SLC25A33: variants seen among roughly 807,000 people sequenced by gnomAD.
SLC25A33 encodes solute carrier family 25 member 33, also known as bone marrow stromal cell mitochondrial carrier protein.
In SLC25A33, 15 loss-of-function variants were observed where a neutral mutation model predicts 35.5. That is an observed-to-expected ratio of 0.42 (90% CI 0.28 to 0.65). SLC25A33 has a LOEUF of 0.65. SLC25A33 is among the 30% of genes least tolerant of loss of function. SLC25A33 has a pLI of 0.20. For synonymous variants in SLC25A33, 136 were observed against 148.7 expected (o/e 0.91, Z 0.62); for missense variants, 257 against 398.5 (o/e 0.64, Z 3.02).
chr1:9,547,743 G>T (rs913076522), intron 1 of SLC25A33, among the ~76,000 whole-genome samples: 1 of 151,406 alleles, frequency 6.6e-6, no homozygotes, highest in African/African-American at 2.4e-5. Flanking sequence ...TTTTATTACT[G>T]GGGTGGGGAC....
At position 9,582,150 on chromosome 1, in the gene SLC25A33, G is replaced by A. The variant is rs1039058078; in HGVS notation, c.764-149G>A. On this transcript the variant is annotated intron_variant, in intron 6 of 6. Transcript: ENST00000302692. The surrounding 1 kb of genome is among the most constrained non-coding windows in gnomAD (Gnocchi z 4.0). ...GCTGGTCTCCAACTCCTGGCCTCAAGTGATCCACCCGCCTCGGCCTCCCAA... is the reference window on the plus strand; with the variant it reads ...GCTGGTCTCCAACTCCTGGCCTCAAATGATCCACCCGCCTCGGCCTCCCAA... The A allele has an allele frequency of 1.1e-5, 8 of 756,804 alleles. No homozygotes were observed. The highest frequency in any genetic ancestry group is 3.5e-5 in the African/African-American group (2 of 56,848). The allele number at this position is 756,804 out of a possible 1,614,324, so 46.9% of individuals were successfully genotyped here. A position where few individuals can be genotyped will look rare whatever the true frequency, so the allele number is the denominator to read the frequency against.
chr1:9,580,727 A>G (rs956817709), intron 6 of SLC25A33, among the ~76,000 whole-genome samples: 1 of 151,820 alleles, frequency 6.6e-6, no homozygotes, highest in Non-Finnish European at 1.5e-5. Flanking sequence ...GTGGTGGCGC[A>G]CGCCTGTAGT....
At chr1:9,565,567 CA>C (rs373409790) in intron 2 of SLC25A33, among the ~76,000 whole-genome samples, 29 of 141,482 alleles carry the variant, frequency 2.0e-4, no homozygotes, top group Non-Finnish European at 3.7e-4. Context: ...TATGTCATCA[CA>C]AAAAAAAAAG....
chr1:9,568,217 G>A (rs1342995843), intron 3 of SLC25A33, among the ~76,000 whole-genome samples: 2 of 152,122 alleles, frequency 1.3e-5, no homozygotes, highest in Admixed American at 1.3e-4. Flanking sequence ...TGAGGCAGGT[G>A]GATCACCAGA....
In SLC25A33 at chr1:9,583,270, A is replaced by C. The variant is rs2100418926; in HGVS notation, c.*769A>C. 6.6e-6 allele frequency: 1 copy of C among 152,188 alleles called. No homozygotes were observed. The highest frequency in any genetic ancestry group is 2.1e-4 in the South Asian group (1 of 4,814). The allele number at this position is 152,188 out of a possible 1,614,324, so 9.4% of individuals were successfully genotyped here. A position where few individuals can be genotyped will look rare whatever the true frequency, so the allele number is the denominator to read the frequency against. ...GGTGGTGGTGTGTGGACCAGGACAA[A>C]CTTCCCAGCAATTTTTCTTCTTTGT... On this transcript the variant is annotated 3_prime_UTR_variant, in exon 7 of 7. Coordinates refer to ENST00000302692, the MANE Select transcript of SLC25A33 (RefSeq NM_032315.3).
chr1:9,541,667 G>A (rs1276842610), intron 1 of SLC25A33, among the ~76,000 whole-genome samples: 4 of 149,432 alleles, frequency 2.7e-5, no homozygotes, highest in Admixed American at 2.0e-4. Context: ...TCTTTCTTGG[G>A]AATTTTAAAC....
Position 9,583,788 on chromosome 1 carries a change from C to G in SLC25A33, c.*1287C>G, listed in dbSNP as rs11121446. ...CGGGCAGATCACGAGGTCAGGAGAT[C>G]GAGACCATCCTGGCTAACACGGTGA... On this transcript the variant is annotated 3_prime_UTR_variant, in exon 7 of 7. Coordinates refer to ENST00000302692, the MANE Select transcript of SLC25A33 (RefSeq NM_032315.3). 1 of 151,992 alleles carries G rather than the reference C, an allele frequency of 6.6e-6. No individual in the cohort carries two copies. The highest frequency in any genetic ancestry group is 2.4e-5 in the African/African-American group (1 of 41,452). The allele number at this position is 151,992 out of a possible 1,614,324, so 9.4% of individuals were successfully genotyped here.
chr1:9,581,122 C>G (rs1161226037), intron 6 of SLC25A33, among the ~76,000 whole-genome samples: 1 of 152,122 alleles, frequency 6.6e-6, no homozygotes, highest in African/African-American at 2.4e-5. Context: ...TCCTGGAGCA[C>G]TAAGCTGACC....
chr1:9,553,422 A>T (rs1300722494), intron 1 of SLC25A33, among the ~76,000 whole-genome samples: 2 of 150,798 alleles, frequency 1.3e-5, no homozygotes, highest in African/African-American at 4.9e-5. Flanking sequence ...TTTAGTAGAG[A>T]CAGGGTTTCA....
chr1:9,540,161 C>G (rs1643056786), intron 1 of SLC25A33, among the ~76,000 whole-genome samples: 1 of 152,200 alleles, frequency 6.6e-6, no homozygotes, highest in South Asian at 2.1e-4. Flanking sequence ...ATCGCTGATG[C>G]TCGGGTGTGC....
chr1:9,582,490 C>T lies in SLC25A33; in HGVS notation c.955C>T (p.Arg319Cys), dbSNP rs149047690. ...GTTAATTGTGTACCTGTTAGAAGAC[C>T]GTACTCAGTAACAGGCCGGAAAATT... Reference protein sequence around the residue: ...YELIVYLLEDRTQ With the variant: ...YELIVYLLEDCTQ Residue 319 changes from arginine to cysteine, a missense_variant, in exon 7 of 7, where the codon CGT becomes TGT. Arg to Cys is a radical substitution (Grantham distance 180). Transcript: ENST00000302692. The surrounding 1 kb of genome is among the most constrained non-coding windows in gnomAD (Gnocchi z 4.0). 1.0e-4 allele frequency: 165 copies of T among 1,612,206 alleles called. 1 individual carries two copies. The East Asian group carries it at 2.3e-3, about 23-fold the overall frequency.
chr1:9,558,555 C>T (rs1445970751), intron 2 of SLC25A33, among the ~76,000 whole-genome samples: 1 of 152,198 alleles, frequency 6.6e-6, no homozygotes, highest in African/African-American at 2.4e-5. Context: ...CAGAACTCCA[C>T]AAAACCTACT....
chr1:9,575,074 G>A (rs1643641997), intron 5 of SLC25A33, among the ~76,000 whole-genome samples: 1 of 151,714 alleles, frequency 6.6e-6, no homozygotes, highest in African/African-American at 2.4e-5. Flanking sequence ...TAAGCCGGGC[G>A]TGATGGTGGG....
rs1331769203 is a variant in SLC25A33, at chr1:9,582,545, C to T, written c.*44C>T. 1.3e-6 allele frequency: 2 copies of T among 1,542,128 alleles called. No homozygotes were observed. The highest frequency in any genetic ancestry group is 2.8e-5 in the African/African-American group (2 of 72,422). ...TCTAGAAGAATAAAACTGAAAAACT[C>T]TAGAGAATTTTTTTTCCCCATTGAT... On this transcript the variant is annotated 3_prime_UTR_variant, in exon 7 of 7. Transcript: ENST00000302692. This position sits in a 1 kb window ranked among gnomAD's most constrained non-coding sequence, Gnocchi z 4.0.
At chr1:9,554,818 T>G (rs1643317605) in intron 2 of SLC25A33, among the ~76,000 whole-genome samples, 1 of 152,244 alleles carries the variant, frequency 6.6e-6, no homozygotes, top group African/African-American at 2.4e-5. Flanking sequence ...CCAAATATTC[T>G]TAAGTCAAAT....
rs1055199733 is a variant in SLC25A33, at chr1:9,582,215, A to C, written c.764-84A>C. ...AGGTGTGAGCCACCGCACCCGGCCTAACCTTGACAGTTTTAAAGTTGTGTG... is the reference window on the plus strand; with the variant it reads ...AGGTGTGAGCCACCGCACCCGGCCTCACCTTGACAGTTTTAAAGTTGTGTG... On this transcript the variant is annotated intron_variant, in intron 6 of 6. Coordinates refer to ENST00000302692, the MANE Select transcript of SLC25A33 (RefSeq NM_032315.3). The surrounding 1 kb of genome is among the most constrained non-coding windows in gnomAD (Gnocchi z 4.0). 8 of 1,493,614 alleles carry C rather than the reference A, an allele frequency of 5.4e-6. No homozygotes were observed. The African/African-American group carries it at 9.7e-5, about 18-fold the overall frequency. 92.5% of individuals were successfully genotyped at this position (1,493,614 alleles called of 1,614,324 possible). A position where few individuals can be genotyped will look rare whatever the true frequency, so the allele number is the denominator to read the frequency against.
At chr1:9,556,144 G>A (rs1319183601) in intron 2 of SLC25A33, 44 of 971,718 alleles carry the variant, frequency 4.5e-5, no homozygotes, top group Non-Finnish European at 5.3e-5. Flanking sequence ...ATGGGACTGT[G>A]AGAACACTCC....
rs1204087564 is a variant in SLC25A33 at position 9,582,119 on chromosome 1, G to A, written c.764-180G>A. Reference sequence around the variant, plus strand: ...AGTAGAGACGGGGTTTCACCATGTTGGCCAGGCTGGTCTCCAACTCCTGGC... The same window carrying A: ...AGTAGAGACGGGGTTTCACCATGTTAGCCAGGCTGGTCTCCAACTCCTGGC... On this transcript the variant is annotated intron_variant, in intron 6 of 6. Transcript: ENST00000302692. The surrounding 1 kb of genome is among the most constrained non-coding windows in gnomAD (Gnocchi z 4.0). 6.6e-6 allele frequency among the ~76,000 whole-genome samples: 1 copy of A among 152,036 alleles called. No individual in the cohort carries two copies. The highest frequency in any genetic ancestry group is 1.5e-5 in the Non-Finnish European group (1 of 68,012).
At chr1:9,557,258 T>C (rs1440218829) in intron 2 of SLC25A33, among the ~76,000 whole-genome samples, 3 of 152,260 alleles carry the variant, frequency 2.0e-5, no homozygotes, top group Non-Finnish European at 2.9e-5. Context: ...CAGTTTATTT[T>C]ATTGACATCA....
Sources: allele counts gnomAD v4.1 joint callset (sites outside exome capture counted in the v4.1 genomes callset), GRCh38; gene constraint gnomAD v4.1.1; non-coding constraint Gnocchi (gnomAD v3.1); transcripts MANE v1.5; gene names NCBI Gene and HGNC (gene_info 2026-07-23, HGNC 2026-07-21).